C11orf71: variants seen among roughly 807,000 people sequenced by gnomAD.
C11orf71 encodes the protein uncharacterized protein C11orf71.
For synonymous variants in C11orf71, 72 were observed against 73.4 expected, an observed-to-expected ratio of 0.98 and a Z score of 0.09; for missense variants, 179 against 167.6, an observed-to-expected ratio of 1.07 and a Z score of -0.38.
At chr11:114,392,529 C>CAAAAAAAAAAAAA (rs386374967) in intron 1 of C11orf71, among the ~76,000 whole-genome samples, 3 of 51,662 alleles carry the variant, frequency 5.8e-5, no homozygotes, top group African/African-American at 7.7e-5. Flanking sequence ...TAGAATGAGA[C>CAAAAAAAAAAAAA]AAAAAAAAAA....
At position 114,400,148 on chromosome 11, in the gene C11orf71, G is replaced by C; in HGVS notation, c.184C>G (p.Arg62Gly). 2 of 1,613,838 alleles carry C rather than the reference G, an allele frequency of 1.2e-6. No individual in the cohort carries two copies. Among genetic ancestry groups the C allele is most frequent in the Non-Finnish European group, 1.7e-6 (2 of 1,179,884 alleles). The part of the protein sequence containing the change: ...GPRQAVRPSV[R>G]AESRRVDGGG... ...CCATCCACTCGACGGCTCTCGGCCCGAACGCTTGGTCGCACCGCCTGCCGA... is the reference window on the plus strand; with the variant it reads ...CCATCCACTCGACGGCTCTCGGCCCCAACGCTTGGTCGCACCGCCTGCCGA... The change falls in exon 1 of 1, where the codon CGG (arginine) becomes GGG (glycine). Residue 62 changes from arginine (R) to glycine (G), a missense_variant. By Grantham distance (125) the Arg-to-Gly change is moderately radical. Transcript: ENST00000623205.
chr11:114,394,154 G>C (rs1188864142), downstream of C11orf71, among the ~76,000 whole-genome samples: 2 of 145,392 alleles, frequency 1.4e-5, no homozygotes, highest in African/African-American at 5.1e-5. Flanking sequence ...AATTTTTTTT[G>C]TATTTTTGGT....
exon 2 of C11orf71, chr11:114,391,556 C>T: frequency 7.1e-7 from 1 of 1,417,708 alleles, no homozygotes; most frequent in East Asian, 2.5e-5. Flanking sequence ...AATTATATCA[C>T]AAATCAGTTC....
At chr11:114,394,201 T>TTCTTTTCTTTTCTTC (rs1946098628), downstream of C11orf71, among the ~76,000 whole-genome samples, 1 of 43,918 alleles carries the variant, frequency 2.3e-5, no homozygotes, top group East Asian at 4.9e-4. Context: ...TTCTTTTCTT[T>TTCTTTTCTTTTCTTC]TCTTTTCTTT....
At chr11:114,396,901 GC>G (rs1197128280), downstream of C11orf71, among the ~76,000 whole-genome samples, 1 of 152,142 alleles carries the variant, frequency 6.6e-6, no homozygotes, top group Non-Finnish European at 1.5e-5. Context: ...TTCCAAGTCA[GC>G]CCTCTTAAAG....
In C11orf71 at chr11:114,399,637, AGTAAAG is replaced by A; in HGVS notation, c.*317_*322del. The A allele has an allele frequency of 4.0e-6, 1 of 252,354 alleles. No homozygotes were observed. The highest frequency in any genetic ancestry group is 7.9e-5 in the East Asian group (1 of 12,618). 15.6% of individuals were successfully genotyped at this position (252,354 alleles called of 1,614,324 possible). A position where few individuals can be genotyped will look rare whatever the true frequency, so the allele number is the denominator to read the frequency against. On this transcript the variant is annotated 3_prime_UTR_variant, in exon 1 of 1. Transcript: ENST00000623205. Reference sequence around the variant, plus strand: ...GGAGCACTTCTTTTTCGCCAACAGAAGTAAAGGTAAAGGTTAAGTGTCTGAGTTAAC... The same window carrying A: ...GGAGCACTTCTTTTTCGCCAACAGAAGTAAAGGTTAAGTGTCTGAGTTAAC...
chr11:114,400,239 T>C lies in C11orf71; in HGVS notation c.93A>G (p.Ser31=), dbSNP rs112068263. Residue 31 remains serine (S), a synonymous_variant, in exon 1 of 1, where the codon TCA becomes TCG. Coordinates refer to ENST00000623205, the MANE Select transcript of C11orf71 (RefSeq NM_001271562.2). ...SSHGDLRPRA[S]ALAMVSGDGF... Reference sequence around the variant, plus strand: ...CGTCTCCGGAGACCATCGCCAACGCTGACGCCCGCGGTCTGAGGTCGCCAT... The same window carrying C: ...CGTCTCCGGAGACCATCGCCAACGCCGACGCCCGCGGTCTGAGGTCGCCAT... 6.9e-4 allele frequency: 1,119 copies of C among 1,611,822 alleles called. 7 individuals carry two copies. The African/African-American group carries it at 0.013, about 19-fold the overall frequency.
chr11:114,394,281 T>TCTTTTCTTTTCTTTTCTTTTC (rs1946110879), downstream of C11orf71, among the ~76,000 whole-genome samples: 1 of 84,700 alleles, frequency 1.2e-5, no homozygotes, highest in Admixed American at 1.3e-4. Context: ...TCTTTTCTTT[T>TCTTTTCTTTTCTTTTCTTTTC]CTTTTCTCTT....
At position 114,399,867 on chromosome 11, in the gene C11orf71, A is replaced by C. The variant is rs1280123740; in HGVS notation, c.*93T>G. On this transcript the variant is annotated 3_prime_UTR_variant, in exon 1 of 1. Coordinates refer to ENST00000623205, the MANE Select transcript of C11orf71 (RefSeq NM_001271562.2). ...GTATTAAATGAAAATACATCCATCTAAAAATAAAACAACACGATTGCTGCT... is the reference window on the plus strand; with the variant it reads ...GTATTAAATGAAAATACATCCATCTCAAAATAAAACAACACGATTGCTGCT... 54 of 1,439,832 alleles carry C rather than the reference A, an allele frequency of 3.8e-5. No individual in the cohort carries two copies. Among genetic ancestry groups the C allele is most frequent in the Non-Finnish European group, 4.9e-5 (54 of 1,093,600 alleles). 89.2% of individuals were successfully genotyped at this position (1,439,832 alleles called of 1,614,324 possible).
At chr11:114,397,489 A>G (rs1591194144), downstream of C11orf71, among the ~76,000 whole-genome samples, 2 of 152,220 alleles carry the variant, frequency 1.3e-5, no homozygotes, top group East Asian at 3.8e-4. Context: ...CCATTGACTC[A>G]GATTTAAAAT....
At chr11:114,394,252 CTTTTCTTTTCTTTTCTTTTCTT>C (rs1946106056), downstream of C11orf71, among the ~76,000 whole-genome samples, 2 of 66,636 alleles carry the variant, frequency 3.0e-5, no homozygotes, top group Non-Finnish European at 5.0e-5. Context: ...CTTTTCTTTT[CTTTTCTTTTCTTTTCTTTTCTT>C]TTCTTTTCTT....
downstream of C11orf71, among the ~76,000 whole-genome samples, chr11:114,394,032 T>A (rs532673956): frequency 6.6e-6 from 1 of 151,948 alleles, no homozygotes; most frequent in Non-Finnish European, 1.5e-5. Context: ...CAGGCTGGAG[T>A]GCAGTGGTGC....
Position 114,399,770 on chromosome 11 carries a change from T to C in C11orf71, c.*190A>G, listed in dbSNP as rs1946165054. On this transcript the variant is annotated 3_prime_UTR_variant, in exon 1 of 1. Coordinates refer to ENST00000623205, the MANE Select transcript of C11orf71 (RefSeq NM_001271562.2). The stretch of plus-strand genomic sequence containing the variant: ...CCTTTCCTGATCCAATCGTTCTGGC[T>C]GCATAAAACCACCTAAATCAATCAA... 1.1e-6 allele frequency: 1 copy of C among 874,860 alleles called. No homozygotes were observed. Among genetic ancestry groups the C allele is most frequent in the Middle Eastern group, 3.5e-4 (1 of 2,822 alleles). The allele number at this position is 874,860 out of a possible 1,614,324, so 54.2% of individuals were successfully genotyped here. A position where few individuals can be genotyped will look rare whatever the true frequency, so the allele number is the denominator to read the frequency against.
intron 1 of C11orf71, among the ~76,000 whole-genome samples, chr11:114,393,294 C>T (rs1232581607): frequency 6.6e-6 from 1 of 152,192 alleles, no homozygotes; most frequent in Non-Finnish European, 1.5e-5. Context: ...ATAAATTTTA[C>T]AAGCTCAAGG....
rs1314885762 is a variant in C11orf71, at chr11:114,400,246, C to A, written c.86G>T (p.Arg29Leu). 6.2e-7 allele frequency: 1 copy of A among 1,611,368 alleles called. No individual in the cohort carries two copies. The highest frequency in any genetic ancestry group is 8.5e-7 in the Non-Finnish European group (1 of 1,178,840). The part of the protein sequence containing the change: ...YRSSHGDLRP[R>L]ASALAMVSGD... ...GGAGACCATCGCCAACGCTGACGCC[C>A]GCGGTCTGAGGTCGCCATGGGAAGA... is the stretch of plus-strand genomic sequence containing the variant. The change falls in exon 1 of 1, where the codon CGG (arginine) becomes CTG (leucine). Residue 29 changes from arginine to leucine, a missense_variant. By Grantham distance (102) the Arg-to-Leu change is moderately radical. Transcript: ENST00000623205.
At chr11:114,394,219 TTTTC>T (rs1181036193), downstream of C11orf71, among the ~76,000 whole-genome samples, 2 of 41,130 alleles carry the variant, frequency 4.9e-5, no homozygotes, top group African/African-American at 1.2e-4. Context: ...TTTTCTTTTC[TTTTC>T]TTTTCTTTCT....
downstream of C11orf71, among the ~76,000 whole-genome samples, chr11:114,394,209 T>C (rs538181525): frequency 1.4e-4 from 6 of 44,420 alleles, no homozygotes; most frequent in South Asian, 7.2e-4. Context: ...TTTTCTTTTC[T>C]TTTCTTTTCT....
intron 1 of C11orf71, among the ~76,000 whole-genome samples, chr11:114,393,480 T>C (rs973925839): frequency 3.9e-5 from 6 of 152,226 alleles, no homozygotes; most frequent in Admixed American, 2.0e-4. Context: ...TAGAATTTTA[T>C]AAATGCCTTC....
At chr11:114,394,228 CT>C, downstream of C11orf71, among the ~76,000 whole-genome samples, 7 of 48,698 alleles carry the variant, frequency 1.4e-4, no homozygotes, top group African/African-American at 7.0e-4. Context: ...CTTTTCTTTT[CT>C]TTCTTTTCTT....
Sources: gnomAD v4.1 joint callset for allele counts (sites outside exome capture counted in the v4.1 genomes callset) on GRCh38, gnomAD v4.1.1 for gene constraint, MANE v1.5 for transcripts, NCBI Gene and HGNC (gene_info 2026-07-23, HGNC 2026-07-21) for gene names.